ASIC2: variants seen among roughly 807,000 people sequenced by gnomAD.
The protein encoded by ASIC2 is acid-sensing ion channel 2.
Under a neutral mutation model 57.3 loss-of-function variants are expected in ASIC2, and 25 were observed. The observed-to-expected ratio is 0.44, with a 90% confidence interval of 0.32 to 0.61. The LOEUF (loss-of-function observed/expected upper bound fraction) is 0.61, where lower values mean the gene tolerates loss of function less well. Ranked by LOEUF, ASIC2 falls within the 20% of genes least tolerant of loss-of-function variation. The pLI, the probability that ASIC2 is intolerant of heterozygous loss-of-function variation, is 0.06. For synonymous variants in ASIC2, 319 were observed against 307.5 expected (o/e 1.04, Z -0.39); for missense variants, 641 against 738.1 (o/e 0.87, Z 1.52).
rs191241089 is a variant in ASIC2 at position 33,249,759 on chromosome 17, C to T, written c.708+41649G>A. On this transcript the variant is annotated intron_variant, in intron 1 of 9. Coordinates refer to ENST00000225823, the MANE Select transcript of ASIC2 (RefSeq NM_183377.2). ...GGCCCCAAAGCATAACTTTTTGCAGCGGTTGCATAAACCTTAGTTCCACCA... is the reference window on the plus strand; with the variant it reads ...GGCCCCAAAGCATAACTTTTTGCAGTGGTTGCATAAACCTTAGTTCCACCA... Among the ~76,000 whole-genome samples, 20 of 152,282 alleles carry T rather than the reference C, an allele frequency of 1.3e-4. No individual in the cohort carries two copies. The South Asian group carries it at 2.7e-3, about 21-fold the overall frequency.
At chr17:34,116,440 G>T (rs1002715179) in intron 1 of ASIC2, among the ~76,000 whole-genome samples, 10 of 152,152 alleles carry the variant, frequency 6.6e-5, no homozygotes, top group African/African-American at 2.4e-4. Context: ...ACCCTGCTCT[G>T]AGTAAAGGCT....
Position 34,156,477 on chromosome 17 carries a change from A to G in ASIC2, c.56T>C (p.Ile19Thr). 1 of 1,613,638 alleles carries G rather than the reference A, an allele frequency of 6.2e-7. No individual in the cohort carries two copies. The highest frequency in any genetic ancestry group is 8.5e-7 in the Non-Finnish European group (1 of 1,179,682). Residue 19 changes from isoleucine to threonine, a missense_variant, in exon 1 of 10, where the codon ATC becomes ACC. By Grantham distance (89) the Ile-to-Thr change is moderately conservative. Coordinates refer to the ASIC2 transcript ENST00000359872. This position sits in a 1 kb window ranked among gnomAD's most constrained non-coding sequence, Gnocchi z 4.4. ...ATGGAGGGTGGAGGTGTTGGCAAAG[A>G]TCTGGATGCTAGAAGGTTGCAGGCT...
chr17:33,426,873 A>G (rs946716458), intron 1 of ASIC2, among the ~76,000 whole-genome samples: 6 of 152,218 alleles, frequency 3.9e-5, no homozygotes, highest in Non-Finnish European at 5.9e-5. Flanking sequence ...ACAAGGTGCT[A>G]TGGGAGAAAC....
intron 1 of ASIC2, among the ~76,000 whole-genome samples, chr17:33,577,986 G>A (rs981127297): frequency 1.3e-5 from 2 of 151,764 alleles, no homozygotes; most frequent in Non-Finnish European, 2.9e-5. Context: ...TTGCTTACTT[G>A]GGCTTCCAAT....
intron 1 of ASIC2, among the ~76,000 whole-genome samples, chr17:33,656,191 C>G (rs956542179): frequency 6.6e-6 from 1 of 151,570 alleles, no homozygotes; most frequent in African/African-American, 2.4e-5. Flanking sequence ...AACAAACAAA[C>G]CAGAAATGAC....
rs11315939 is a variant in ASIC2, at chr17:34,071,827, CAA to C, written c.555+84149_555+84150del. The C allele has an allele frequency of 3.3e-3, 480 of 146,690 alleles. 1 individual carries two copies. The highest frequency in any genetic ancestry group is 7.0e-3 in the Middle Eastern group (2 of 284). 9.1% of individuals were successfully genotyped at this position (146,690 alleles called of 1,614,324 possible). On this transcript the variant is annotated intron_variant, in intron 1 of 9. Transcript: ENST00000359872. Reference sequence around the variant, plus strand: ...CCTGGACAACAGAGCGAGACTCCATCAAAAAAAAAAAAATCATTAAGTATAGT... The same window carrying C: ...CCTGGACAACAGAGCGAGACTCCATCAAAAAAAAAAATCATTAAGTATAGT...
At chr17:33,589,874 A>G (rs1216744286) in intron 1 of ASIC2, among the ~76,000 whole-genome samples, 1 of 152,230 alleles carries the variant, frequency 6.6e-6, no homozygotes, top group Non-Finnish European at 1.5e-5. Context: ...GTGCATACCC[A>G]GGAGTGGAAT....
At chr17:33,821,646 A>T (rs1912749271) in intron 1 of ASIC2, among the ~76,000 whole-genome samples, 1 of 152,192 alleles carries the variant, frequency 6.6e-6, no homozygotes, top group Non-Finnish European at 1.5e-5. Context: ...CGTGATATTT[A>T]ACCAAATGTG....
At chr17:33,617,004 T>C (rs1302228722) in intron 1 of ASIC2, among the ~76,000 whole-genome samples, 1 of 152,252 alleles carries the variant, frequency 6.6e-6, no homozygotes, top group African/African-American at 2.4e-5. Flanking sequence ...TAAACCTCTG[T>C]TGCCCTATAT....
intron 3 of ASIC2, among the ~76,000 whole-genome samples, chr17:33,047,545 G>T (rs1043593116): frequency 1.3e-5 from 2 of 152,236 alleles, no homozygotes; most frequent in Admixed American, 6.5e-5. Context: ...TCACTATGTT[G>T]CTCAGGCTGG....
intron 3 of ASIC2, among the ~76,000 whole-genome samples, chr17:33,072,924 T>G (rs992939630): frequency 6.6e-6 from 1 of 152,204 alleles, no homozygotes; most frequent in Non-Finnish European, 1.5e-5. Flanking sequence ...GATGCAGCAA[T>G]CAACGCCATC....
intron 1 of ASIC2, among the ~76,000 whole-genome samples, chr17:33,467,441 A>T (rs1198295608): frequency 1.3e-5 from 2 of 152,194 alleles, no homozygotes; most frequent in East Asian, 1.9e-4. Flanking sequence ...GGAAAAGGGC[A>T]TTCCAAAGTT....
intron 1 of ASIC2, among the ~76,000 whole-genome samples, chr17:34,122,991 T>A (rs1319483184): frequency 6.6e-6 from 1 of 152,166 alleles, no homozygotes; most frequent in Non-Finnish European, 1.5e-5. Flanking sequence ...ACTAATATCT[T>A]CAGTAGGGAA....
At chr17:33,596,402 C>G (rs1258405481) in intron 1 of ASIC2, among the ~76,000 whole-genome samples, 1 of 152,148 alleles carries the variant, frequency 6.6e-6, no homozygotes, top group Non-Finnish European at 1.5e-5. Context: ...TTTTTACATT[C>G]CAAAACTGCA....
intron 1 of ASIC2, among the ~76,000 whole-genome samples, chr17:34,086,871 T>C (rs941672167): frequency 2.6e-5 from 4 of 152,232 alleles, no homozygotes; most frequent in African/African-American, 9.6e-5. Flanking sequence ...CACCTGCCTT[T>C]TTTTGTTTTC....
At chr17:33,940,683 T>C (rs1484463973) in intron 1 of ASIC2, among the ~76,000 whole-genome samples, 1 of 152,240 alleles carries the variant, frequency 6.6e-6, no homozygotes, top group Non-Finnish European at 1.5e-5. Context: ...GCAGGGGACA[T>C]AGTTATCTCT....
At chr17:33,313,840 C>T (rs1169835037) in intron 1 of ASIC2, among the ~76,000 whole-genome samples, 3 of 151,946 alleles carry the variant, frequency 2.0e-5, no homozygotes, top group Non-Finnish European at 2.9e-5. Flanking sequence ...TGAGGAAGGG[C>T]CATCCAGAGA....
chr17:34,059,948 T>A (rs1908911661), intron 1 of ASIC2, among the ~76,000 whole-genome samples: 2 of 151,978 alleles, frequency 1.3e-5, no homozygotes, highest in Non-Finnish European at 2.9e-5. Flanking sequence ...ATCTTGGGAG[T>A]TCTAGGGCCC....
chr17:34,060,929 G>A (rs1181514549), intron 1 of ASIC2, among the ~76,000 whole-genome samples: 1 of 152,130 alleles, frequency 6.6e-6, no homozygotes, highest in Non-Finnish European at 1.5e-5. Context: ...ATATTTTGGG[G>A]AATAATTGAG....
Sources: gnomAD v4.1 joint callset for allele counts (sites outside exome capture counted in the v4.1 genomes callset) on GRCh38, gnomAD v4.1.1 for gene constraint, Gnocchi (gnomAD v3.1) non-coding constraint, MANE v1.5 for transcripts, NCBI Gene and HGNC (gene_info 2026-07-23, HGNC 2026-07-21) for gene names.